ZSCAN25: variants seen among roughly 807,000 people sequenced by gnomAD.
ZSCAN25 encodes the protein zinc finger and SCAN domain-containing protein 25.
ZSCAN25 carries 27 observed loss-of-function variants against 38.7 expected under a neutral mutation model. That is an observed-to-expected ratio of 0.70 (90% confidence interval 0.51 to 0.96). The LOEUF (loss-of-function observed/expected upper bound fraction) is 0.96. ZSCAN25 is among the 40% of genes least tolerant of loss of function. The pLI, the probability that ZSCAN25 is intolerant of heterozygous loss-of-function variation, is 0.00. For missense variants in ZSCAN25, 637 were observed against 705.9 expected, an observed-to-expected ratio of 0.90 and a Z score of 1.11; for synonymous variants, 273 against 277.7, an observed-to-expected ratio of 0.98 and a Z score of 0.17.
the ZSCAN25 span, among the ~76,000 whole-genome samples, chr7:99,684,333 A>G: frequency 1.1e-4 from 17 of 151,856 alleles, no homozygotes; most frequent in African/African-American, 3.9e-4. Context: ...ACACCTAGCT[A>G]ATTTTTGTAT....
chr7:99,698,318 C>G, the ZSCAN25 span, among the ~76,000 whole-genome samples: 8 of 152,148 alleles, frequency 5.3e-5, no homozygotes, highest in Non-Finnish European at 1.2e-4. Context: ...GTCCCTGTGT[C>G]CAGGCTTGAA....
the ZSCAN25 span, among the ~76,000 whole-genome samples, chr7:99,658,137 A>G: frequency 0.24 from 37,085 of 151,880 alleles, 8,248 homozygotes; most frequent in African/African-American, 0.59. Context: ...ATGTTAGCTG[A>G]TTATTTTGCT....
At chr7:99,660,106 C>T in the ZSCAN25 span, 1 of 631,750 alleles carries the variant, frequency 1.6e-6, no homozygotes, top group Non-Finnish European at 2.0e-6. Flanking sequence ...CATTGAGATG[C>T]ACCCGGTACC....
chr7:99,638,663 G>A, the ZSCAN25 span: 2 of 1,563,964 alleles, frequency 1.3e-6, no homozygotes, highest in South Asian at 1.1e-5. Flanking sequence ...GACTGGCCCA[G>A]CTTCAACATT....
At chr7:99,659,475 G>C in the ZSCAN25 span, 1 of 154,492 alleles carries the variant, frequency 6.5e-6, no homozygotes, top group Non-Finnish European at 1.4e-5. Flanking sequence ...TGAGGTGTCA[G>C]TCTGCCCCTA....
chr7:99,652,758 C>T, the ZSCAN25 span: 80 of 1,613,246 alleles, frequency 5.0e-5, no homozygotes, highest in African/African-American at 3.5e-4. Context: ...ATCTGTACCA[C>T]GGCATCATAG....
the ZSCAN25 span, chr7:99,659,510 T>A: frequency 4.0e-3 from 624 of 154,950 alleles, 11 homozygotes; most frequent in African/African-American, 0.012. Context: ...CCAGTTAGGC[T>A]GCTCGGGGGT....
At chr7:99,734,112 A>G in the ZSCAN25 span, among the ~76,000 whole-genome samples, 78 of 152,254 alleles carry the variant, frequency 5.1e-4, no homozygotes, top group Non-Finnish European at 8.7e-4. Context: ...TTTAAGCCAC[A>G]CCAATTCATG....
the ZSCAN25 span, among the ~76,000 whole-genome samples, chr7:99,709,984 A>G: frequency 1.6e-4 from 25 of 152,192 alleles, no homozygotes; most frequent in Non-Finnish European, 3.1e-4. Context: ...AGGCAAAGTT[A>G]TGAAAAGGAT....
At chr7:99,700,611 A>G in the ZSCAN25 span, among the ~76,000 whole-genome samples, 2 of 152,112 alleles carry the variant, frequency 1.3e-5, no homozygotes, top group Non-Finnish European at 2.9e-5. Flanking sequence ...CCCCTCACAC[A>G]GTCCTATTGT....
chr7:99,736,651 G>T, the ZSCAN25 span, among the ~76,000 whole-genome samples: 21 of 152,292 alleles, frequency 1.4e-4, no homozygotes, highest in Admixed American at 5.2e-4. Flanking sequence ...TGATGTTTAA[G>T]CTGTGCTTGT....
chr7:99,682,221 C>T, the ZSCAN25 span, among the ~76,000 whole-genome samples: 794 of 152,256 alleles, frequency 5.2e-3, 6 homozygotes, highest in South Asian at 0.012. Context: ...ACACCCGCCT[C>T]GGCCTCTCAA....
chr7:99,627,613 A>G (rs891446155), intron 7 of ZSCAN25, among the ~76,000 whole-genome samples: 3 of 152,132 alleles, frequency 2.0e-5, no homozygotes, highest in African/African-American at 7.2e-5. Context: ...GTTCAAGAAC[A>G]GGCAAAAAAG....
At chr7:99,641,528 G>T in the ZSCAN25 span, among the ~76,000 whole-genome samples, 24 of 152,088 alleles carry the variant, frequency 1.6e-4, no homozygotes, top group Non-Finnish European at 3.1e-4. Context: ...ATTCCAGGGG[G>T]TTGTAGATTT....
rs1314825816 is a variant in ZSCAN25 at position 99,619,466 on chromosome 7, A to G, written c.-46-95A>G. 9.7e-6 allele frequency: 10 copies of G among 1,033,786 alleles called. No homozygotes were observed. The East Asian group carries it at 1.9e-4, about 20-fold the overall frequency. 64.0% of individuals were successfully genotyped at this position (1,033,786 alleles called of 1,614,324 possible). ...GTTCAGTCTTTTGAAAATGCCTTGT[A>G]AAAGGTAATTACTGTGTTCTCCAGT... is the stretch of plus-strand genomic sequence containing the variant. On this transcript the variant is annotated intron_variant, in intron 3 of 7. Coordinates refer to ENST00000394152, the MANE Select transcript of ZSCAN25 (RefSeq NM_145115.3).
chr7:99,624,086 G>A lies in ZSCAN25; in HGVS notation c.711G>A (p.Leu237=). ...QGLGPFKDMA[L]AFPEEEWRHV... ...TGGGGCCATTTAAAGATATGGCCCT[G>A]GCCTTCCCTGAGGAGGAGTGGAGGC... The change falls in exon 7 of 8, where the codon CTG becomes CTA. Residue 237 remains leucine (L), a synonymous_variant. Transcript: ENST00000394152. The A allele has an allele frequency of 6.2e-7, 1 of 1,614,142 alleles. No homozygotes were observed. Among genetic ancestry groups the A allele is most frequent in the African/African-American group, 1.3e-5 (1 of 75,030 alleles).
chr7:99,641,707 A>G, the ZSCAN25 span, among the ~76,000 whole-genome samples: 1 of 152,160 alleles, frequency 6.6e-6, no homozygotes, highest in Non-Finnish European at 1.5e-5. Context: ...TCAGTCCAAA[A>G]AGCCTAGATG....
the ZSCAN25 span, among the ~76,000 whole-genome samples, chr7:99,693,785 C>G: frequency 6.6e-6 from 1 of 152,202 alleles, no homozygotes; most frequent in Non-Finnish European, 1.5e-5. Flanking sequence ...AGTCACCTAT[C>G]TTCTGCCTCA....
At chr7:99,706,201 T>C in the ZSCAN25 span, among the ~76,000 whole-genome samples, 3 of 152,202 alleles carry the variant, frequency 2.0e-5, no homozygotes, top group African/African-American at 7.2e-5. Context: ...GTGTTTTGAC[T>C]CAACTTTTCT....
Sources: gnomAD v4.1 joint callset for allele counts (sites outside exome capture counted in the v4.1 genomes callset) on GRCh38, gnomAD v4.1.1 for gene constraint, MANE v1.5 for transcripts, NCBI Gene and HGNC (gene_info 2026-07-23, HGNC 2026-07-21) for gene names.